The following MSRA variants were observed in gnomAD, a reference collection of about 807,000 sequenced individuals.
MSRA encodes the protein mitochondrial peptide methionine sulfoxide reductase.
Under a neutral mutation model 31.3 loss-of-function variants are expected in MSRA, and 54 were observed. The observed-to-expected ratio is 1.73, with a 90% CI of 1.39 to 2.17. The LOEUF (loss-of-function observed/expected upper bound fraction) is 2.17. Among genes scored for constraint, MSRA ranks in the 30% most tolerant of loss-of-function variants. The pLI is 0.00. For missense variants in MSRA, 507 were observed against 300.9 expected (o/e 1.69, Z -5.07); for synonymous variants, 169 against 116.5 (o/e 1.45, Z -2.90).
chr8:10,428,343 C>T lies in MSRA; in HGVS notation c.*31C>T. 2 of 1,606,394 alleles carry T rather than the reference C, an allele frequency of 1.2e-6. No homozygotes were observed. The highest frequency in any genetic ancestry group is 1.7e-6 in the Non-Finnish European group (2 of 1,177,132). ...CCCCACATGGTGGGCCTTTGAGGTT[C>T]CAGTAAAAATGCTTTCAACAAATTG... On this transcript the variant is annotated 3_prime_UTR_variant, in exon 6 of 6. Coordinates refer to ENST00000317173, the MANE Select transcript of MSRA (RefSeq NM_012331.5).
At chr8:10,185,224 C>T (rs115300302) in intron 1 of MSRA, among the ~76,000 whole-genome samples, 167 of 152,308 alleles carry the variant, frequency 1.1e-3, no homozygotes, top group African/African-American at 3.9e-3. Flanking sequence ...CTGCAAGGGG[C>T]ATTTCATCAG....
At chr8:10,273,100 C>G (rs532835149) in intron 3 of MSRA, among the ~76,000 whole-genome samples, 1 of 152,234 alleles carries the variant, frequency 6.6e-6, no homozygotes, top group East Asian at 1.9e-4. Context: ...TATTCACATG[C>G]ATATTTGAGA....
intron 2 of MSRA, among the ~76,000 whole-genome samples, chr8:10,240,999 C>T (rs1449801282): frequency 6.6e-6 from 1 of 152,090 alleles, no homozygotes; most frequent in Non-Finnish European, 1.5e-5. Context: ...CCCTCTGGTC[C>T]TGCTTGTGCA....
chr8:10,123,693 C>T (rs1208181203), intron 1 of MSRA, among the ~76,000 whole-genome samples: 1 of 152,028 alleles, frequency 6.6e-6, no homozygotes, highest in East Asian at 1.9e-4. Flanking sequence ...AGGAATCAGT[C>T]CAGTTTCAAT....
chr8:10,168,445 A>T (rs1302427620), intron 1 of MSRA, among the ~76,000 whole-genome samples: 1 of 152,206 alleles, frequency 6.6e-6, no homozygotes, highest in Non-Finnish European at 1.5e-5. Context: ...TCCATGCAGA[A>T]TGTGGCAGCC....
At chr8:10,218,547 T>G (rs547542446) in intron 2 of MSRA, among the ~76,000 whole-genome samples, 1 of 152,236 alleles carries the variant, frequency 6.6e-6, no homozygotes, top group South Asian at 2.1e-4. Flanking sequence ...TAGCATTTTT[T>G]AAATTTGTGA....
intron 2 of MSRA, among the ~76,000 whole-genome samples, chr8:10,229,510 C>T (rs1378537043): frequency 2.0e-5 from 3 of 152,068 alleles, no homozygotes; most frequent in African/African-American, 7.2e-5. Flanking sequence ...TCAGGGTGAC[C>T]AGAGGAGCAG....
intron 5 of MSRA, among the ~76,000 whole-genome samples, chr8:10,389,344 C>G (rs1315172532): frequency 3.3e-5 from 5 of 152,216 alleles, no homozygotes; most frequent in African/African-American, 1.2e-4. Context: ...TGGTGAGAAG[C>G]TTTGATAAAA....
intron 5 of MSRA, among the ~76,000 whole-genome samples, chr8:10,392,072 C>G (rs1189896523): frequency 6.6e-6 from 1 of 152,166 alleles, no homozygotes. Flanking sequence ...GGACCTCAGC[C>G]TCCCCCACTG....
chr8:10,276,185 T>C (rs941485857), intron 3 of MSRA, among the ~76,000 whole-genome samples: 6 of 152,230 alleles, frequency 3.9e-5, no homozygotes, highest in Admixed American at 3.3e-4. Flanking sequence ...TACCTTTCTC[T>C]AATCAGCAGT....
At chr8:10,370,696 G>C (rs112940583) in intron 5 of MSRA, among the ~76,000 whole-genome samples, 1 of 152,154 alleles carries the variant, frequency 6.6e-6, no homozygotes, top group Non-Finnish European at 1.5e-5. Flanking sequence ...TCCAGGCCAC[G>C]TTACATACCT....
At chr8:10,358,215 C>A (rs576607119) in intron 5 of MSRA, among the ~76,000 whole-genome samples, 1 of 152,296 alleles carries the variant, frequency 6.6e-6, no homozygotes, top group South Asian at 2.1e-4. Context: ...AGGTGTGAGC[C>A]ACCATGCCTG....
At chr8:10,243,592 A>G (rs1203245458) in intron 2 of MSRA, among the ~76,000 whole-genome samples, 1 of 151,786 alleles carries the variant, frequency 6.6e-6, no homozygotes, top group African/African-American at 2.4e-5. Context: ...GCTTTTCTTT[A>G]AAAATGTAAA....
chr8:10,286,575 GAA>G (rs1411511976), intron 3 of MSRA, among the ~76,000 whole-genome samples: 10 of 152,234 alleles, frequency 6.6e-5, no homozygotes, highest in Non-Finnish European at 1.3e-4. Flanking sequence ...CCAGCAGCAT[GAA>G]AACAGACTAA....
intron 5 of MSRA, among the ~76,000 whole-genome samples, chr8:10,372,027 T>C (rs1189322032): frequency 2.0e-5 from 3 of 152,240 alleles, no homozygotes; most frequent in Non-Finnish European, 4.4e-5. Flanking sequence ...ACGAGCTTGT[T>C]GATGCCATAT....
chr8:10,307,007 T>C (rs192408824), intron 4 of MSRA, among the ~76,000 whole-genome samples: 1 of 152,294 alleles, frequency 6.6e-6, no homozygotes, highest in Admixed American at 6.5e-5. Context: ...TGTCTTTGCT[T>C]AGCAGAAGAG....
At chr8:10,097,294 A>C (rs1345010275) in intron 1 of MSRA, among the ~76,000 whole-genome samples, 1 of 152,198 alleles carries the variant, frequency 6.6e-6, no homozygotes, top group Non-Finnish European at 1.5e-5. Context: ...CTTAACATTT[A>C]TGTGTGTTGC....
intron 1 of MSRA, among the ~76,000 whole-genome samples, chr8:10,103,630 G>A (rs547426484): frequency 6.6e-6 from 1 of 152,164 alleles, no homozygotes; most frequent in Non-Finnish European, 1.5e-5. Context: ...CCAGACACAT[G>A]AGGATGATGG....
intron 5 of MSRA, among the ~76,000 whole-genome samples, chr8:10,382,473 T>C (rs1432680524): frequency 6.6e-6 from 1 of 152,206 alleles, no homozygotes; most frequent in Non-Finnish European, 1.5e-5. Flanking sequence ...CATCTTGACC[T>C]GCAAGGAGGC....
Sources: allele counts gnomAD v4.1 joint callset (sites outside exome capture counted in the v4.1 genomes callset), GRCh38; gene constraint gnomAD v4.1.1; transcripts MANE v1.5; gene names NCBI Gene and HGNC (gene_info 2026-07-23, HGNC 2026-07-21).